The following CSNK2A2IP variants were observed in gnomAD, a reference collection of about 807,000 sequenced individuals.
The protein encoded by CSNK2A2IP is casein kinase 2 subunit alpha' interacting protein, also known as casein kinase II subunit alpha'-interacting protein.
At chr3:88,360,550 A>G in the CSNK2A2IP span, among the ~76,000 whole-genome samples, 1 of 152,068 alleles carries the variant, frequency 6.6e-6, no homozygotes, top group Non-Finnish European at 1.5e-5. Flanking sequence ...CAGTTTATGC[A>G]TGTATTTACA....
chr3:88,446,034 C>CT, the CSNK2A2IP span, among the ~76,000 whole-genome samples: 1 of 22,090 alleles, frequency 4.5e-5, no homozygotes, highest in African/African-American at 1.7e-4. Context: ...TGTTTCTTTT[C>CT]TTTCTTTCTT....
At chr3:88,400,046 G>A in the CSNK2A2IP span, among the ~76,000 whole-genome samples, 5 of 152,282 alleles carry the variant, frequency 3.3e-5, no homozygotes, top group African/African-American at 1.2e-4. Flanking sequence ...TGATATTTGA[G>A]AGTAGAAAAG....
chr3:88,338,849 T>C, the CSNK2A2IP span, among the ~76,000 whole-genome samples: 1 of 152,072 alleles, frequency 6.6e-6, no homozygotes, highest in Non-Finnish European at 1.5e-5. Flanking sequence ...TACTAAGAGG[T>C]GGCTGTAAAT....
chr3:88,389,322 T>C, the CSNK2A2IP span, among the ~76,000 whole-genome samples: 1 of 151,994 alleles, frequency 6.6e-6, no homozygotes, highest in South Asian at 2.1e-4. Flanking sequence ...AGGAGGAAGA[T>C]TATCCCTGGA....
At chr3:88,467,554 A>G in the CSNK2A2IP span, 1 of 398,400 alleles carries the variant, frequency 2.5e-6, no homozygotes, top group African/African-American at 2.1e-5. Context: ...ATTTTTCCGG[A>G]CAAAATGAGA....
chr3:88,362,743 G>A, the CSNK2A2IP span, among the ~76,000 whole-genome samples: 1 of 152,206 alleles, frequency 6.6e-6, no homozygotes, highest in Non-Finnish European at 1.5e-5. Flanking sequence ...GGTGGATCTA[G>A]AAATGATGTT....
At chr3:88,431,466 G>A in the CSNK2A2IP span, among the ~76,000 whole-genome samples, 1 of 152,174 alleles carries the variant, frequency 6.6e-6, no homozygotes, top group Non-Finnish European at 1.5e-5. Flanking sequence ...GAAAGGGTTG[G>A]AAGGGGGTGA....
chr3:88,396,902 G>A, the CSNK2A2IP span, among the ~76,000 whole-genome samples: 1 of 152,076 alleles, frequency 6.6e-6, no homozygotes, highest in African/African-American at 2.4e-5. Flanking sequence ...GAAATGGAAA[G>A]AATTGGATAT....
chr3:88,379,821 TTGCTTTGTAG>T, the CSNK2A2IP span, among the ~76,000 whole-genome samples: 6 of 152,166 alleles, frequency 3.9e-5, no homozygotes, highest in Non-Finnish European at 2.9e-5. Context: ...CTTGTTGTCA[TTGCTTTGTAG>T]TGCAGGCTAT....
At chr3:88,375,082 C>G in the CSNK2A2IP span, among the ~76,000 whole-genome samples, 1 of 151,684 alleles carries the variant, frequency 6.6e-6, no homozygotes, top group African/African-American at 2.4e-5. Context: ...TGTCATAATT[C>G]TCTATTCTAG....
At chr3:88,431,387 T>C in the CSNK2A2IP span, 2 of 152,220 alleles carry the variant, frequency 1.3e-5, no homozygotes, top group South Asian at 4.1e-4. Flanking sequence ...TTCTCACTCT[T>C]AGGTGGGAGC....
the CSNK2A2IP span, among the ~76,000 whole-genome samples, chr3:88,357,105 T>G: frequency 6.6e-6 from 1 of 152,124 alleles, no homozygotes; most frequent in African/African-American, 2.4e-5. Flanking sequence ...TGCAAAATCT[T>G]TTTAGCTTTT....
At chr3:88,407,363 A>G in the CSNK2A2IP span, among the ~76,000 whole-genome samples, 1 of 150,038 alleles carries the variant, frequency 6.7e-6, no homozygotes, top group African/African-American at 2.4e-5. Flanking sequence ...AACATTTAGT[A>G]TGTTAAATGT....
chr3:88,449,872 T>TAGAGAGAGAGAGAG, the CSNK2A2IP span, among the ~76,000 whole-genome samples: 1 of 79,050 alleles, frequency 1.3e-5, no homozygotes, highest in South Asian at 5.7e-4. Context: ...TATATATATA[T>TAGAGAGAGAGAGAG]ATAGAGAGAG....
chr3:88,455,201 G>T, the CSNK2A2IP span, among the ~76,000 whole-genome samples: 1 of 151,826 alleles, frequency 6.6e-6, no homozygotes, highest in Admixed American at 6.6e-5. Flanking sequence ...ATCTCTTGGA[G>T]ATGCCAATTT....
At chr3:88,453,404 A>G in the CSNK2A2IP span, among the ~76,000 whole-genome samples, 4 of 152,132 alleles carry the variant, frequency 2.6e-5, no homozygotes, top group Non-Finnish European at 5.9e-5. Flanking sequence ...TATATTGCAT[A>G]TTCTGAGTAT....
the CSNK2A2IP span, among the ~76,000 whole-genome samples, chr3:88,435,327 A>G: frequency 6.6e-6 from 1 of 152,156 alleles, no homozygotes; most frequent in East Asian, 1.9e-4. Flanking sequence ...GGAATGGGCA[A>G]GTGAACTGAT....
the CSNK2A2IP span, among the ~76,000 whole-genome samples, chr3:88,418,463 T>TGTGTGCGCGCGCGCGCGCGCGCGC: frequency 1.2e-4 from 18 of 149,534 alleles, no homozygotes; most frequent in African/African-American, 3.7e-4. Context: ...TGTGTGTGTG[T>TGTGTGCGCGCGCGCGCGCGCGCGC]GCGCGCGGGC....
At chr3:88,409,457 G>A in the CSNK2A2IP span, among the ~76,000 whole-genome samples, 5 of 152,108 alleles carry the variant, frequency 3.3e-5, no homozygotes, top group Admixed American at 6.5e-5. Flanking sequence ...TGTTACATGC[G>A]AAAATGATTT....
Sources: gnomAD v4.1 joint callset for allele counts (sites outside exome capture counted in the v4.1 genomes callset) on GRCh38, gnomAD v4.1.1 for gene constraint, MANE v1.5 for transcripts, NCBI Gene and HGNC (gene_info 2026-07-23, HGNC 2026-07-21) for gene names.